The following CACNA2D3 variants were observed in gnomAD, a reference collection of about 807,000 sequenced individuals.
CACNA2D3 encodes the protein voltage-dependent calcium channel subunit alpha-2/delta-3.
A neutral mutation model predicts 160.6 loss-of-function variants in CACNA2D3; 60 were observed. The observed-to-expected ratio is 0.37, with a 90% CI of 0.30 to 0.46. CACNA2D3 has a LOEUF of 0.46. CACNA2D3 is among the 20% of genes least tolerant of loss of function. CACNA2D3 has a pLI of 1.00. For synonymous variants in CACNA2D3, 558 were observed against 492.9 expected (o/e 1.13, Z -1.75); for missense variants, 1,205 against 1,365.0 (o/e 0.88, Z 1.85).
chr3:54,721,321 G>A (rs1198663503), intron 11 of CACNA2D3, among the ~76,000 whole-genome samples: 1 of 152,148 alleles, frequency 6.6e-6, no homozygotes, highest in Non-Finnish European at 1.5e-5. Flanking sequence ...TGTTATTAAT[G>A]GGATCATTTT....
chr3:54,198,517 G>A (rs559343300), intron 2 of CACNA2D3, among the ~76,000 whole-genome samples: 1 of 152,312 alleles, frequency 6.6e-6, no homozygotes, highest in African/African-American at 2.4e-5. Flanking sequence ...TGTACCATTT[G>A]CCCACTTTTT....
At chr3:54,435,774 A>C (rs1700050532) in intron 4 of CACNA2D3, among the ~76,000 whole-genome samples, 1 of 152,250 alleles carries the variant, frequency 6.6e-6, no homozygotes, top group South Asian at 2.1e-4. Context: ...CAGATGTTGG[A>C]ATTATCTAAC....
At chr3:54,903,483 G>C (rs1700385964) in intron 27 of CACNA2D3, among the ~76,000 whole-genome samples, 1 of 152,128 alleles carries the variant, frequency 6.6e-6, no homozygotes, top group South Asian at 2.1e-4. Flanking sequence ...TTGATTCCAT[G>C]TCTTTGCTAT....
intron 26 of CACNA2D3, 79 bp from the exon 27 acceptor site, chr3:54,899,709 G>A: frequency 9.2e-7 from 1 of 1,085,208 alleles, no homozygotes; most frequent in Non-Finnish European, 1.4e-6. Context: ...ATTGGTGACT[G>A]TAGACCGATA....
chr3:54,166,837 T>C (rs960804009), intron 2 of CACNA2D3, among the ~76,000 whole-genome samples: 4 of 152,228 alleles, frequency 2.6e-5, no homozygotes, highest in Non-Finnish European at 5.9e-5. Context: ...GACTTCATGG[T>C]CTGAAAAATT....
At chr3:54,705,614 A>G (rs1472240663) in intron 11 of CACNA2D3, among the ~76,000 whole-genome samples, 1 of 152,174 alleles carries the variant, frequency 6.6e-6, no homozygotes, top group African/African-American at 2.4e-5. Context: ...ATTTTTAATG[A>G]GTATTTTAGC....
intron 2 of CACNA2D3, among the ~76,000 whole-genome samples, chr3:54,157,526 C>T (rs994111600): frequency 2.0e-5 from 3 of 152,134 alleles, no homozygotes; most frequent in African/African-American, 7.2e-5. Flanking sequence ...CACGGTGGCT[C>T]ACGCCTGTAA....
chr3:55,070,753 G>T lies in CACNA2D3; in HGVS notation c.2988-2692G>T, dbSNP rs556864540. Among the ~76,000 whole-genome samples, 244 of 152,300 alleles carry T rather than the reference G, an allele frequency of 1.6e-3. 1 individual carries two copies. The highest frequency in any genetic ancestry group is 5.6e-3 in the African/African-American group (234 of 41,568). On this transcript the variant is annotated intron_variant, in intron 35 of 37. Coordinates refer to ENST00000474759, the MANE Select transcript of CACNA2D3 (RefSeq NM_018398.3). Reference sequence around the variant, plus strand: ...GTCTAAGGTTCTACCGCACAAATGTGAATCTGGGCTATTATCAAATCTCAA... The same window carrying T: ...GTCTAAGGTTCTACCGCACAAATGTTAATCTGGGCTATTATCAAATCTCAA...
At chr3:54,570,301 A>G (rs772711935) in intron 8 of CACNA2D3, among the ~76,000 whole-genome samples, 197 bp downstream of exon 8, 54 of 152,268 alleles carry the variant, frequency 3.5e-4, no homozygotes, top group Non-Finnish European at 6.3e-4. Flanking sequence ...AGTTGAACAC[A>G]CGTTGCCTGT....
chr3:54,464,033 G>A (rs1036654641), intron 4 of CACNA2D3, among the ~76,000 whole-genome samples: 1 of 152,216 alleles, frequency 6.6e-6, no homozygotes, highest in African/African-American at 2.4e-5. Flanking sequence ...TGCTAGAGGT[G>A]CACTCCAGAC....
chr3:54,160,000 C>A (rs1374404070), intron 2 of CACNA2D3, among the ~76,000 whole-genome samples: 1 of 152,124 alleles, frequency 6.6e-6, no homozygotes, highest in Non-Finnish European at 1.5e-5. Context: ...GCTCTGTAAT[C>A]TTGTTTCTTT....
At chr3:54,410,530 C>CTCTCTATAAT (rs1699649323) in intron 4 of CACNA2D3, among the ~76,000 whole-genome samples, 1 of 152,160 alleles carries the variant, frequency 6.6e-6, no homozygotes, top group Non-Finnish European at 1.5e-5. Flanking sequence ...ATCTACCATA[C>CTCTCTATAAT]GTGTGCTCTA....
chr3:54,451,184 C>T (rs1322285234), intron 4 of CACNA2D3, among the ~76,000 whole-genome samples: 1 of 144,772 alleles, frequency 6.9e-6, no homozygotes, highest in Non-Finnish European at 1.5e-5. Context: ...ATTCATTCTT[C>T]CTTCATTTTA....
At chr3:54,567,003 A>T (rs1702419422) in intron 6 of CACNA2D3, among the ~76,000 whole-genome samples, 1 of 152,154 alleles carries the variant, frequency 6.6e-6, no homozygotes, top group Non-Finnish European at 1.5e-5. Flanking sequence ...AGTATGATTG[A>T]TATTAGGGTT....
intron 13 of CACNA2D3, among the ~76,000 whole-genome samples, chr3:54,801,009 C>G (rs1702972635): frequency 6.8e-6 from 1 of 146,088 alleles, no homozygotes; most frequent in Non-Finnish European, 1.5e-5. Flanking sequence ...TTTTCTTAGA[C>G]AGAGTCTTAC....
At chr3:54,873,201 G>A (rs540530258) in intron 18 of CACNA2D3, among the ~76,000 whole-genome samples, 1 of 152,092 alleles carries the variant, frequency 6.6e-6, no homozygotes, top group Non-Finnish European at 1.5e-5. Context: ...AGAAGTACTT[G>A]CACTGTTCTG....
chr3:54,154,943 A>T (rs1013129339), intron 2 of CACNA2D3, among the ~76,000 whole-genome samples: 3 of 152,216 alleles, frequency 2.0e-5, no homozygotes, highest in Non-Finnish European at 2.9e-5. Flanking sequence ...TGACTTACTT[A>T]AAAAAATTTC....
At position 54,473,853 on chromosome 3, in the gene CACNA2D3, C is replaced by T. The variant is rs929601790; in HGVS notation, c.382-29639C>T. 3.3e-5 allele frequency among the ~76,000 whole-genome samples: 5 copies of T among 151,978 alleles called. No individual in the cohort carries two copies. In the South Asian group the frequency reaches 8.3e-4, roughly 25 times the overall value. On this transcript the variant is annotated intron_variant, in intron 4 of 37. Coordinates refer to ENST00000474759, the MANE Select transcript of CACNA2D3 (RefSeq NM_018398.3). Reference sequence around the variant, plus strand: ...AATGAGATACCATCTCACCCCATGACGATGGTGCCATTTAGAATGGCGATT... The same window carrying T: ...AATGAGATACCATCTCACCCCATGATGATGGTGCCATTTAGAATGGCGATT...
chr3:54,562,156 A>G (rs1297264443), intron 5 of CACNA2D3, among the ~76,000 whole-genome samples: 2 of 152,052 alleles, frequency 1.3e-5, no homozygotes, highest in African/African-American at 2.4e-5. Context: ...CCATCCATCC[A>G]TCCTTCCCTC....
Sources: allele counts gnomAD v4.1 joint callset (sites outside exome capture counted in the v4.1 genomes callset), GRCh38; gene constraint gnomAD v4.1.1; transcripts MANE v1.5; gene names NCBI Gene and HGNC (gene_info 2026-07-23, HGNC 2026-07-21).